The following RALGPS1 variants were observed in gnomAD, a reference collection of about 807,000 sequenced individuals.
RALGPS1 encodes Ral GEF with PH domain and SH3 binding motif 1.
In RALGPS1, 19 loss-of-function variants were observed where a neutral mutation model predicts 78.8. The observed-to-expected ratio is 0.24, with a 90% CI of 0.17 to 0.35. The LOEUF (loss-of-function observed/expected upper bound fraction) is 0.35, where lower values mean the gene tolerates loss of function less well. RALGPS1 is among the 10% of genes least tolerant of loss of function. RALGPS1 has a pLI of 1.00. For missense variants in RALGPS1, 454 were observed against 688.3 expected (o/e 0.66, Z 3.81); for synonymous variants, 228 against 256.3 (o/e 0.89, Z 1.06).
At chr9:127,174,828 A>G (rs778892736) in intron 11 of RALGPS1, 46 bp downstream of exon 11, 1 of 1,568,258 alleles carries the variant, frequency 6.4e-7, no homozygotes, top group Non-Finnish European at 8.8e-7. Flanking sequence ...TAATAGCCTA[A>G]TTGTGGCTGC....
intron 2 of RALGPS1, 97 bp downstream of exon 2, chr9:126,962,443 CTG>C (rs1297394388): frequency 8.6e-5 from 105 of 1,218,908 alleles, no homozygotes; most frequent in Non-Finnish European, 7.8e-5. Context: ...CAGTAGGGCT[CTG>C]TGAATACCAC....
chr9:127,214,894 G>A, intron 18 of RALGPS1, 52 bp downstream of exon 18: 1 of 1,604,712 alleles, frequency 6.2e-7, no homozygotes, highest in Non-Finnish European at 8.5e-7. Context: ...TCCCACCCTT[G>A]GAACTAAGGG....
intron 1 of RALGPS1, among the ~76,000 whole-genome samples, chr9:126,921,188 A>T (rs1281394074): frequency 6.6e-6 from 1 of 152,174 alleles, no homozygotes; most frequent in African/African-American, 2.4e-5. Flanking sequence ...CGTGGTCATG[A>T]TGAAAGTTAG....
chr9:127,075,840 T>C (rs1268544647), intron 8 of RALGPS1, among the ~76,000 whole-genome samples: 1 of 152,248 alleles, frequency 6.6e-6, no homozygotes, highest in East Asian at 1.9e-4. Flanking sequence ...TGCTAACTGG[T>C]CTCCTGTGAC....
Position 127,188,832 on chromosome 9 carries a change from TA to T in RALGPS1, c.911-6242del, listed in dbSNP as rs202172226. ...AAAGACTAAGAAACCCCATCTCTAC[TA>T]AAAAAAAAAAAAAAAATGTAGCCAG... On this transcript the variant is annotated intron_variant, in intron 11 of 18. Transcript: ENST00000259351. 3.1e-3 allele frequency among the ~76,000 whole-genome samples: 268 copies of T among 87,432 alleles called. 3 individuals are homozygous for T. Among genetic ancestry groups the T allele is most frequent in the Middle Eastern group, 7.2e-3 (1 of 138 alleles). 57.4% of individuals were successfully genotyped at this position (87,432 alleles called of 152,430 possible).
intron 4 of RALGPS1, among the ~76,000 whole-genome samples, chr9:126,990,488 T>C (rs969391074): frequency 2.0e-5 from 3 of 152,190 alleles, no homozygotes; most frequent in African/African-American, 7.2e-5. Flanking sequence ...CTCTGTGAAA[T>C]AGGCCAGCAG....
chr9:127,057,242 G>T (rs1047306822), intron 7 of RALGPS1, among the ~76,000 whole-genome samples: 2 of 152,146 alleles, frequency 1.3e-5, no homozygotes, highest in African/African-American at 2.4e-5. Flanking sequence ...TTGGGAAATG[G>T]GGCTAGAGAA....
chr9:127,168,560 G>A, intron 9 of RALGPS1, 119 bp from the exon 10 acceptor site: 1 of 745,848 alleles, frequency 1.3e-6, no homozygotes. Flanking sequence ...GCAACTGCTG[G>A]AAGAGTGAAT....
In RALGPS1 at chr9:127,091,832, C is replaced by A; in HGVS notation, c.610+22476C>A. 1 of 1,614,144 alleles carries A rather than the reference C, an allele frequency of 6.2e-7. No individual in the cohort carries two copies. The highest frequency in any genetic ancestry group is 8.5e-7 in the Non-Finnish European group (1 of 1,180,016). On this transcript the variant is annotated intron_variant, in intron 8 of 18. Transcript: ENST00000259351. The surrounding 1 kb of genome is among the most constrained non-coding windows in gnomAD (Gnocchi z 4.3). ...GCGTATTCTGCAAAGACTTTGCGGC[C>A]GGACCAGTCCTCCATGGTCACCAGG...
At chr9:127,190,888 A>T (rs894467837) in intron 11 of RALGPS1, among the ~76,000 whole-genome samples, 1 of 152,212 alleles carries the variant, frequency 6.6e-6, no homozygotes, top group Non-Finnish European at 1.5e-5. Flanking sequence ...CCTTCTGCCA[A>T]TGCAATACAT....
At chr9:127,003,032 A>G (rs1413261861) in intron 4 of RALGPS1, among the ~76,000 whole-genome samples, 1 of 152,178 alleles carries the variant, frequency 6.6e-6, no homozygotes, top group African/African-American at 2.4e-5. Context: ...ACTGACTTCC[A>G]CAATGGTTGA....
At chr9:127,013,137 C>T (rs1212699088) in intron 4 of RALGPS1, among the ~76,000 whole-genome samples, 1 of 152,140 alleles carries the variant, frequency 6.6e-6, no homozygotes, top group Non-Finnish European at 1.5e-5. Flanking sequence ...ACAGCTTGAA[C>T]ACAGGTAAGG....
Position 127,212,914 on chromosome 9 carries a change from G to T in RALGPS1, c.1447-30G>T. On this transcript the variant is annotated intron_variant, in intron 16 of 18. Coordinates refer to ENST00000259351, the MANE Select transcript of RALGPS1 (RefSeq NM_014636.3). The surrounding 1 kb of genome is among the most constrained non-coding windows in gnomAD (Gnocchi z 6.0). ...TTGTGGAGTGGAGGGCTGGGCCCCG[G>T]TCTCCGGATGTGTTGTTGCTCTCCT... The T allele has an allele frequency of 6.2e-7, 1 of 1,613,908 alleles. No homozygotes were observed. The highest frequency in any genetic ancestry group is 8.5e-7 in the Non-Finnish European group (1 of 1,179,898).
At chr9:127,186,737 G>A (rs561410475) in intron 11 of RALGPS1, among the ~76,000 whole-genome samples, 4 of 152,308 alleles carry the variant, frequency 2.6e-5, no homozygotes, top group South Asian at 2.1e-4. Flanking sequence ...GCTTTGAAAC[G>A]GTGCCCAGGG....
chr9:127,132,615 G>A lies in RALGPS1; in HGVS notation c.611-33454G>A, dbSNP rs540637202. ...GTCAGCATTGCTGTCACACAAATGAGTGAAGGGTGCAGCACCGGGTACTAG... is the reference window on the plus strand; with the variant it reads ...GTCAGCATTGCTGTCACACAAATGAATGAAGGGTGCAGCACCGGGTACTAG... On this transcript the variant is annotated intron_variant, in intron 8 of 18. Transcript: ENST00000259351. 3.3e-5 allele frequency among the ~76,000 whole-genome samples: 5 copies of A among 152,342 alleles called. No homozygotes were observed. The East Asian group carries it at 9.7e-4, about 29-fold the overall frequency.
chr9:127,191,706 T>G (rs569671245), intron 11 of RALGPS1, among the ~76,000 whole-genome samples: 129 of 148,728 alleles, frequency 8.7e-4, no homozygotes, highest in African/African-American at 3.0e-3. Flanking sequence ...TTTTGTTTTT[T>G]TTTTTTTTTG....
chr9:127,211,516 G>A lies in RALGPS1; in HGVS notation c.1248-615G>A, dbSNP rs374979407. On this transcript the variant is annotated intron_variant, in intron 14 of 18. Coordinates refer to ENST00000259351, the MANE Select transcript of RALGPS1 (RefSeq NM_014636.3). The surrounding 1 kb of genome is among the most constrained non-coding windows in gnomAD (Gnocchi z 5.0). Reference sequence around the variant, plus strand: ...TGGCTGAAGCAGCCAGTAGGGGGTGGTGCCATTCCTGAGGCACCGGCAGAT... The same window carrying A: ...TGGCTGAAGCAGCCAGTAGGGGGTGATGCCATTCCTGAGGCACCGGCAGAT... Among the ~76,000 whole-genome samples, 2 of 152,176 alleles carry A rather than the reference G, an allele frequency of 1.3e-5. No homozygotes were observed. Among genetic ancestry groups the A allele is most frequent in the East Asian group, 3.8e-4 (2 of 5,200 alleles).
intron 5 of RALGPS1, among the ~76,000 whole-genome samples, chr9:127,047,602 GGC>G (rs1564479389): frequency 6.6e-6 from 1 of 152,022 alleles, no homozygotes; most frequent in Non-Finnish European, 1.5e-5. Context: ...AGGAGGCTGA[GGC>G]AGGAGAATCG....
intron 14 of RALGPS1, among the ~76,000 whole-genome samples, chr9:127,206,338 A>C (rs2061929625): frequency 6.6e-6 from 1 of 152,208 alleles, no homozygotes. Context: ...TAAAGGAAAG[A>C]GGTTTAATTG....
Sources: allele counts gnomAD v4.1 joint callset (sites outside exome capture counted in the v4.1 genomes callset), GRCh38; gene constraint gnomAD v4.1.1; non-coding constraint Gnocchi (gnomAD v3.1); transcripts MANE v1.5; gene names NCBI Gene and HGNC (gene_info 2026-07-23, HGNC 2026-07-21).